The following ELP4 variants were observed in gnomAD, a reference collection of about 807,000 sequenced individuals.
ELP4 encodes elongator complex protein 4.
A neutral mutation model predicts 48.9 loss-of-function variants in ELP4; 51 were observed. That is an observed-to-expected ratio of 1.04 (90% CI 0.83 to 1.32). The LOEUF (loss-of-function observed/expected upper bound fraction) is 1.32, where lower values mean the gene tolerates loss of function less well. Among genes scored for constraint, ELP4 ranks in the 40% most tolerant of loss-of-function variants. ELP4 has a pLI of 0.00. For missense variants in ELP4, 519 were observed against 514.6 expected (o/e 1.01, Z -0.08); for synonymous variants, 210 against 189.2 (o/e 1.11, Z -0.90).
chr11:31,585,468 C>G (rs1434123648), intron 3 of ELP4, among the ~76,000 whole-genome samples: 1 of 151,550 alleles, frequency 6.6e-6, no homozygotes, highest in Non-Finnish European at 1.5e-5. Context: ...TTAATTTTGC[C>G]TAACCTCTTA....
chr11:31,711,645 TGATAAA>T (rs1196161488), intron 9 of ELP4, among the ~76,000 whole-genome samples: 1 of 152,144 alleles, frequency 6.6e-6, no homozygotes, highest in Non-Finnish European at 1.5e-5. Flanking sequence ...AAGCTTATGA[TGATAAA>T]GATAAATATG....
chr11:31,591,429 G>A (rs1274918263), intron 3 of ELP4, among the ~76,000 whole-genome samples: 3 of 142,792 alleles, frequency 2.1e-5, no homozygotes, highest in East Asian at 4.5e-4. Context: ...AAAAGGGGGG[G>A]GGGGGGTATA....
chr11:31,668,509 A>G (rs976330057), intron 9 of ELP4, among the ~76,000 whole-genome samples: 2 of 151,006 alleles, frequency 1.3e-5, no homozygotes, highest in East Asian at 1.9e-4. Flanking sequence ...TTTTTCCCCA[A>G]GAGACAAGGG....
At chr11:31,699,470 A>G (rs2134153980) in intron 9 of ELP4, among the ~76,000 whole-genome samples, 1 of 152,212 alleles carries the variant, frequency 6.6e-6, no homozygotes, top group Non-Finnish European at 1.5e-5. Flanking sequence ...AGGAAAAGAA[A>G]TCTCTTCCCT....
chr11:31,609,414 G>A (rs1469686959), intron 5 of ELP4, among the ~76,000 whole-genome samples: 1 of 152,098 alleles, frequency 6.6e-6, no homozygotes, highest in African/African-American at 2.4e-5. Flanking sequence ...AGATAAAATG[G>A]GTATTAAGAA....
At chr11:31,774,896 A>C (rs1456553885) in intron 9 of ELP4, among the ~76,000 whole-genome samples, 1 of 152,232 alleles carries the variant, frequency 6.6e-6, no homozygotes, top group Non-Finnish European at 1.5e-5. Flanking sequence ...CATAAAGCCC[A>C]GTTAGATGAC....
Position 31,603,754 on chromosome 11 carries a change from G to T in ELP4, c.514-14G>T. 1 of 1,603,604 alleles carries T rather than the reference G, an allele frequency of 6.2e-7. No individual in the cohort carries two copies. The highest frequency in any genetic ancestry group is 2.2e-5 in the East Asian group (1 of 44,510). ...ATAATTGTTTAACAACCACTATGGG[G>T]TTTATTTTAGCAGATTGGACCAGTA... On this transcript the variant is annotated splice_polypyrimidine_tract_variant and intron_variant, in intron 4 of 9. Transcript: ENST00000640961.
intron 3 of ELP4, among the ~76,000 whole-genome samples, chr11:31,588,155 C>A (rs902471634): frequency 4.6e-5 from 7 of 152,066 alleles, no homozygotes; most frequent in African/African-American, 1.4e-4. Flanking sequence ...TTTTCCAGAT[C>A]TTTCCATTCT....
intron 9 of ELP4, among the ~76,000 whole-genome samples, chr11:31,733,842 G>T (rs2134205920): frequency 6.6e-6 from 1 of 152,198 alleles, no homozygotes; most frequent in East Asian, 1.9e-4. Flanking sequence ...TGAAGAGTAG[G>T]GAACACATCC....
chr11:31,604,636 C>T (rs1440164292), intron 5 of ELP4, among the ~76,000 whole-genome samples: 1 of 151,792 alleles, frequency 6.6e-6, no homozygotes, highest in African/African-American at 2.4e-5. Context: ...ATTTGTAAAA[C>T]CATTTTCAAA....
chr11:31,549,083 C>G lies in ELP4; in HGVS notation c.381+9300C>G, dbSNP rs1428500755. ...TTCAGGACATAGGCATGGGCAAGGA[C>G]TTCATGTCTAAAACACCAAAAGCAA... On this transcript the variant is annotated intron_variant, in intron 3 of 9. Transcript: ENST00000640961. Among the ~76,000 whole-genome samples the G allele has an allele frequency of 3.5e-3, 534 of 152,110 alleles. 3 individuals carry two copies. Among genetic ancestry groups the G allele is most frequent in the South Asian group, 0.014 (69 of 4,814 alleles).
chr11:31,672,947 G>A (rs979788446), intron 9 of ELP4, among the ~76,000 whole-genome samples: 4 of 152,118 alleles, frequency 2.6e-5, no homozygotes, highest in African/African-American at 9.7e-5. Flanking sequence ...ACATGGAAAG[G>A]TAAAACTTGG....
At chr11:31,550,408 A>G (rs1273566762) in intron 3 of ELP4, among the ~76,000 whole-genome samples, 2 of 152,196 alleles carry the variant, frequency 1.3e-5, no homozygotes, top group Non-Finnish European at 2.9e-5. Context: ...GAAAAATGGA[A>G]TTAAAACATA....
intron 7 of ELP4, among the ~76,000 whole-genome samples, chr11:31,642,601 A>G (rs951066067): frequency 6.6e-6 from 1 of 151,906 alleles, no homozygotes; most frequent in African/African-American, 2.4e-5. Flanking sequence ...TGCTAGGCAG[A>G]TAATGTTACA....
chr11:31,650,538 A>G (rs1420994617), intron 9 of ELP4: 5 of 211,942 alleles, frequency 2.4e-5, no homozygotes, highest in Admixed American at 5.8e-5. Context: ...AGTGTTAATG[A>G]GCTGCGCTTA....
At chr11:31,724,441 G>A (rs1947032381) in intron 9 of ELP4, among the ~76,000 whole-genome samples, 1 of 152,168 alleles carries the variant, frequency 6.6e-6, no homozygotes, top group East Asian at 1.9e-4. Context: ...TATAATGGAG[G>A]CATTGCTGGA....
At chr11:31,762,315 CAA>C (rs928224250) in intron 9 of ELP4, among the ~76,000 whole-genome samples, 2 of 152,150 alleles carry the variant, frequency 1.3e-5, no homozygotes, top group African/African-American at 4.8e-5. Flanking sequence ...GTCTTCACAA[CAA>C]AGTTTATTTA....
chr11:31,702,237 A>G (rs1249456508), intron 9 of ELP4, among the ~76,000 whole-genome samples: 1 of 152,124 alleles, frequency 6.6e-6, no homozygotes, highest in Non-Finnish European at 1.5e-5. Flanking sequence ...CAGGAGTTCA[A>G]AGCTGCAGTA....
chr11:31,750,829 T>C (rs1247127087), intron 9 of ELP4, among the ~76,000 whole-genome samples: 2 of 152,200 alleles, frequency 1.3e-5, no homozygotes, highest in African/African-American at 4.8e-5. Flanking sequence ...TCCCTAACTG[T>C]TCAGCTCCAT....
Sources: allele counts gnomAD v4.1 joint callset (sites outside exome capture counted in the v4.1 genomes callset), GRCh38; gene constraint gnomAD v4.1.1; transcripts MANE v1.5; gene names NCBI Gene and HGNC (gene_info 2026-07-23, HGNC 2026-07-21).